ATRN: variants seen among roughly 807,000 people sequenced by gnomAD.
ATRN encodes the protein attractin-2.
ATRN carries 54 observed loss-of-function variants against 178.7 expected under a neutral mutation model. The observed-to-expected ratio is 0.30, with a 90% CI of 0.24 to 0.38. ATRN has a LOEUF of 0.38. ATRN is among the 10% of genes least tolerant of loss of function. The pLI is 1.00. For missense variants in ATRN, 1,443 were observed against 1,815.1 expected (o/e 0.79, Z 3.73); for synonymous variants, 636 against 663.0 (o/e 0.96, Z 0.63).
chr20:3,550,836 G>A (rs1326075027), intron 6 of ATRN, among the ~76,000 whole-genome samples: 2 of 152,130 alleles, frequency 1.3e-5, no homozygotes, highest in African/African-American at 2.4e-5. Context: ...TTTCTTGGCT[G>A]GACAACCCAG....
intron 1 of ATRN, among the ~76,000 whole-genome samples, chr20:3,474,859 C>T (rs1276495307): frequency 8.6e-5 from 13 of 151,334 alleles, no homozygotes; most frequent in Admixed American, 7.9e-4. Context: ...AGTGAATCCC[C>T]GTCTCTACTA....
intron 1 of ATRN, 27 bp from the exon 2 acceptor site, chr20:3,535,226 A>T (rs2085510511): frequency 8.1e-7 from 1 of 1,235,822 alleles, no homozygotes; most frequent in Non-Finnish European, 1.1e-6. Flanking sequence ...AGCAGACTTA[A>T]GTTTTCTTTC....
At chr20:3,535,392 C>T in intron 2 of ATRN, 56 bp downstream of exon 2, 1 of 925,134 alleles carries the variant, frequency 1.1e-6, no homozygotes, top group South Asian at 2.3e-5. Flanking sequence ...GTCAGTGTGA[C>T]ATTAGTTTTC....
At position 3,560,801 on chromosome 20, in the gene ATRN, C is replaced by A; in HGVS notation, c.1343C>A (p.Ser448Tyr). The A allele has an allele frequency of 1.2e-6, 2 of 1,614,158 alleles. No individual in the cohort carries two copies. The highest frequency in any genetic ancestry group is 1.7e-6 in the Non-Finnish European group (2 of 1,180,038). Reference sequence around the variant, plus strand: ...GAGCAGTATGCAGTGGTTGGGCACTCTGCACACATTGTTACACTGAAGAAT... The same window carrying A: ...GAGCAGTATGCAGTGGTTGGGCACTATGCACACATTGTTACACTGAAGAAT... ...AKEQYAVVGH[S>Y]AHIVTLKNGR... The change falls in exon 8 of 29, where the codon TCT becomes TAT. Residue 448 changes from serine (S) to tyrosine (Y), a missense_variant. Physicochemically the swap from Ser to Tyr is moderately radical, Grantham distance 144. Around this residue, in one of 4 missense-constraint regions of ATRN, gnomAD observed 862 missense variants for 972.1 expected, o/e 0.89. Coordinates refer to ENST00000262919, the MANE Select transcript of ATRN (RefSeq NM_139321.3).
intron 8 of ATRN, among the ~76,000 whole-genome samples, 168 bp from the exon 9 acceptor site, chr20:3,562,108 C>T (rs1278955952): frequency 1.3e-5 from 2 of 152,148 alleles, no homozygotes; most frequent in Non-Finnish European, 2.9e-5. Context: ...AATTGGGCCA[C>T]ATGGCTTTGT....
chr20:3,553,642 T>C (rs915397496), intron 6 of ATRN, among the ~76,000 whole-genome samples: 5 of 152,210 alleles, frequency 3.3e-5, no homozygotes, highest in African/African-American at 1.2e-4. Context: ...TCTCCTGCCA[T>C]CATTCACAGC....
At chr20:3,581,245 C>T (rs74598932) in intron 15 of ATRN, among the ~76,000 whole-genome samples, 5,806 of 152,254 alleles carry the variant, frequency 0.038, 147 homozygotes, top group Non-Finnish European at 0.056. Context: ...GAGCGAGACC[C>T]TGTCTCAAAA....
At chr20:3,583,856 A>G in intron 16 of ATRN, 42 bp from the exon 17 acceptor site, 1 of 1,567,764 alleles carries the variant, frequency 6.4e-7, no homozygotes, top group Non-Finnish European at 8.7e-7. Flanking sequence ...CTTAGCGGAC[A>G]TGGTGGGAGC....
chr20:3,522,224 A>G (rs2085305306), intron 1 of ATRN, among the ~76,000 whole-genome samples: 1 of 152,266 alleles, frequency 6.6e-6, no homozygotes, highest in African/African-American at 2.4e-5. Context: ...GGAATGAATG[A>G]AAGTGTAAAC....
At position 3,591,204 on chromosome 20, in the gene ATRN, C is replaced by G. The variant is rs143515830; in HGVS notation, c.3220C>G (p.Gln1074Glu). 7.4e-5 allele frequency: 119 copies of G among 1,614,132 alleles called. 1 individual carries two copies. In the East Asian group the frequency reaches 2.6e-3, roughly 36 times the overall value. Residue 1074 changes from glutamine (Q) to glutamate (E), a missense_variant, in exon 19 of 29, where the codon CAG becomes GAG. Coordinates refer to ENST00000262919, the MANE Select transcript of ATRN (RefSeq NM_139321.3). ...QCNGHSKCINQSICEKCENLT... is the reference protein window; with the variant it reads ...QCNGHSKCINESICEKCENLT... ...CAACGGCCACAGTAAATGCATCAAT[C>G]AGAGCATCTGTGAGAAGTGTGAGAA...
intron 1 of ATRN, among the ~76,000 whole-genome samples, chr20:3,506,556 G>A (rs974326677): frequency 3.3e-5 from 5 of 151,682 alleles, no homozygotes; most frequent in Non-Finnish European, 5.9e-5. Flanking sequence ...CCGAGGAGGC[G>A]GAGGCTGCAG....
chr20:3,501,399 A>G (rs2146108675), intron 1 of ATRN, among the ~76,000 whole-genome samples: 1 of 152,314 alleles, frequency 6.6e-6, no homozygotes, highest in Middle Eastern at 3.4e-3. Flanking sequence ...TTCTGTAAAT[A>G]CTAATTCCCA....
Position 3,562,464 on chromosome 20 carries a change from G to A in ATRN, c.1631+5G>A. The stretch of plus-strand genomic sequence containing the variant: ...TGATGTGGATACCCAGATGTGGTGG[G>A]TACTTTTTCTTGAGCTTTCACTTTA... On this transcript the variant is annotated splice_donor_5th_base_variant and intron_variant, in intron 9 of 28. Coordinates refer to ENST00000262919, the MANE Select transcript of ATRN (RefSeq NM_139321.3). 1 of 1,613,148 alleles carries A rather than the reference G, an allele frequency of 6.2e-7. No homozygotes were observed. Among genetic ancestry groups the A allele is most frequent in the Non-Finnish European group, 8.5e-7 (1 of 1,179,552 alleles).
At chr20:3,509,609 TGCCTCA>T (rs1224540608) in intron 1 of ATRN, among the ~76,000 whole-genome samples, 1 of 151,908 alleles carries the variant, frequency 6.6e-6, no homozygotes, top group Non-Finnish European at 1.5e-5. Flanking sequence ...GTGATTCGTC[TGCCTCA>T]GCCTCAGCCT....
At chr20:3,519,004 T>TAAA (rs2085245869) in intron 1 of ATRN, among the ~76,000 whole-genome samples, 1 of 89,798 alleles carries the variant, frequency 1.1e-5, no homozygotes. Flanking sequence ...CATCCTTATA[T>TAAA]ATAAAAAAAA....
At chr20:3,608,098 A>T (rs1443362455) in intron 24 of ATRN, among the ~76,000 whole-genome samples, 1 of 152,146 alleles carries the variant, frequency 6.6e-6, no homozygotes, top group Non-Finnish European at 1.5e-5. Context: ...TTGCTGGTAT[A>T]TTCTGGTTAT....
intron 6 of ATRN, 51 bp from the exon 7 acceptor site, chr20:3,559,342 A>G: frequency 7.6e-7 from 1 of 1,309,160 alleles, no homozygotes; most frequent in Non-Finnish European, 1.1e-6. Context: ...AAATAGTATG[A>G]GATGTTCTGT....
chr20:3,601,011 T>C lies in ATRN; in HGVS notation c.3630T>C (p.Ala1210=). The C allele has an allele frequency of 6.2e-7, 1 of 1,612,974 alleles. No homozygotes were observed. The highest frequency in any genetic ancestry group is 8.5e-7 in the Non-Finnish European group (1 of 1,179,012). ...ATTTCAACCTCAACATCACCTGGGC[T>C]GCCAGTTTCTCAGGTAAAGACATAC... ...SKNFNLNITW[A]ASFSAGTQAG... The change falls in exon 23 of 29, where the codon GCT becomes GCC. Residue 1210 remains alanine (A), a synonymous_variant. Coordinates refer to ENST00000262919, the MANE Select transcript of ATRN (RefSeq NM_139321.3).
At position 3,536,670 on chromosome 20, in the gene ATRN, G is replaced by A. The variant is rs12625848; in HGVS notation, c.494+1334G>A. Among the ~76,000 whole-genome samples the A allele has an allele frequency of 3.4e-3, 511 of 152,206 alleles. 17 individuals carry two copies. In the East Asian group the frequency reaches 0.088, roughly 26 times the overall value. ...ATTTAAAAAATTGTAGTGAAAAAAT[G>A]GCATTGTTTTACATTTTTGCAAATC... On this transcript the variant is annotated intron_variant, in intron 2 of 28. Transcript: ENST00000262919.
Sources: allele counts gnomAD v4.1 joint callset (sites outside exome capture counted in the v4.1 genomes callset), GRCh38; gene constraint gnomAD v4.1.1; regional missense constraint gnomAD v4.1.1; transcripts MANE v1.5; gene names NCBI Gene and HGNC (gene_info 2026-07-23, HGNC 2026-07-21).